Variants in SLCO5A1 observed in about 807,000 individuals in gnomAD.
SLCO5A1 encodes solute carrier organic anion transporter family member 5A1.
Under a neutral mutation model 65.1 loss-of-function variants are expected in SLCO5A1, and 39 were observed. The observed-to-expected ratio is 0.60, with a 90% confidence interval of 0.46 to 0.78. The LOEUF (loss-of-function observed/expected upper bound fraction) is 0.78. Ranked by LOEUF, SLCO5A1 falls within the 30% of genes least tolerant of loss-of-function variation. SLCO5A1 has a pLI of 0.00. For synonymous variants in SLCO5A1, 438 were observed against 415.7 expected, an observed-to-expected ratio of 1.05 and a Z score of -0.65; for missense variants, 1,029 against 1,069.4, an observed-to-expected ratio of 0.96 and a Z score of 0.53.
chr8:69,677,224 C>CT (rs1041853386), intron 8 of SLCO5A1, among the ~76,000 whole-genome samples: 2 of 152,228 alleles, frequency 1.3e-5, no homozygotes, highest in East Asian at 1.9e-4. Flanking sequence ...CCAACCACAT[C>CT]TTTTTTTCTT....
In SLCO5A1 at chr8:69,672,652, G is replaced by A. The variant is rs1813374131; in HGVS notation, c.*217C>T. 1.7e-6 allele frequency: 1 copy of A among 574,308 alleles called. No homozygotes were observed. Among genetic ancestry groups the A allele is most frequent in the South Asian group, 2.4e-5 (1 of 41,840 alleles). The allele number at this position is 574,308 out of a possible 1,614,324, so 35.6% of individuals were successfully genotyped here. A position where few individuals can be genotyped will look rare whatever the true frequency, so the allele number is the denominator to read the frequency against. ...AACGGAAATGGGAACAAATCTAGCT[G>A]AACGTCTCCTTCTTGGAGAGAAGCG... is the stretch of plus-strand genomic sequence containing the variant. On this transcript the variant is annotated 3_prime_UTR_variant, in exon 10 of 10. Coordinates refer to ENST00000260126, the MANE Select transcript of SLCO5A1 (RefSeq NM_030958.3).
intron 2 of SLCO5A1, among the ~76,000 whole-genome samples, chr8:69,784,811 A>AAAAGAAAGAAAG (rs56110450): frequency 0.12 from 8,743 of 70,778 alleles, 836 homozygotes; most frequent in African/African-American, 0.15. Flanking sequence ...GAAAGAAAGA[A>AAAAGAAAGAAAG]AAAGAAAGAA....
chr8:69,765,275 T>C (rs569509379), intron 2 of SLCO5A1, among the ~76,000 whole-genome samples: 1 of 152,186 alleles, frequency 6.6e-6, no homozygotes, highest in South Asian at 2.1e-4. Context: ...TATGTGTATA[T>C]GTGTATATAT....
chr8:69,681,912 C>CG (rs1813794659), intron 7 of SLCO5A1, among the ~76,000 whole-genome samples: 2 of 152,084 alleles, frequency 1.3e-5, no homozygotes, highest in Non-Finnish European at 2.9e-5. Context: ...TCAACCTTAT[C>CG]AAGTTTCACT....
At chr8:69,754,266 G>A (rs1025246207) in intron 4 of SLCO5A1, among the ~76,000 whole-genome samples, 20 of 152,228 alleles carry the variant, frequency 1.3e-4, no homozygotes, top group African/African-American at 4.8e-4. Flanking sequence ...CAAAATCATG[G>A]GAAGGGAGAG....
chr8:69,673,259 T>C lies in SLCO5A1; in HGVS notation c.2157A>G (p.Glu719=). 10 of 1,614,224 alleles carry C rather than the reference T, an allele frequency of 6.2e-6. No individual in the cohort carries two copies. Among genetic ancestry groups the C allele is most frequent in the Non-Finnish European group, 8.5e-6 (10 of 1,180,026 alleles). Residue 719 remains glutamate (E), a synonymous_variant, in exon 10 of 10, where the codon GAA becomes GAG. Coordinates refer to ENST00000260126, the MANE Select transcript of SLCO5A1 (RefSeq NM_030958.3). ...IDTTCMLWQQ[E]CGVQGSCWEY... is the part of the protein sequence containing the mutation. ...CCCAGCAAGAACCCTGCACACCACA[T>C]TCCTGTTGCCAGAGCATGCAGGTGG... is the stretch of plus-strand genomic sequence containing the variant.
intron 2 of SLCO5A1, among the ~76,000 whole-genome samples, chr8:69,773,764 C>T (rs1264629459): frequency 1.3e-5 from 2 of 152,216 alleles, no homozygotes; most frequent in African/African-American, 2.4e-5. Context: ...CTCCATGATT[C>T]ATCAGTAGAC....
chr8:69,794,944 G>A (rs1281742126), intron 2 of SLCO5A1, among the ~76,000 whole-genome samples: 1 of 152,184 alleles, frequency 6.6e-6, no homozygotes, highest in African/African-American at 2.4e-5. Context: ...GGGAAGAGGT[G>A]CTACACACTT....
intron 2 of SLCO5A1, among the ~76,000 whole-genome samples, chr8:69,770,426 T>A (rs1272003811): frequency 1.3e-5 from 2 of 152,148 alleles, no homozygotes; most frequent in Non-Finnish European, 2.9e-5. Flanking sequence ...GAGACCCATC[T>A]TTATTATTTT....
intron 5 of SLCO5A1, among the ~76,000 whole-genome samples, chr8:69,724,991 T>C (rs1815998471): frequency 6.6e-6 from 1 of 152,202 alleles, no homozygotes; most frequent in Admixed American, 6.5e-5. Flanking sequence ...ATATGGAGGA[T>C]GGTCTATTTG....
intron 4 of SLCO5A1, among the ~76,000 whole-genome samples, chr8:69,746,709 C>T (rs1427961351): frequency 6.6e-6 from 1 of 152,130 alleles, no homozygotes; most frequent in African/African-American, 2.4e-5. Context: ...CGAAGGAGGC[C>T]AGTGAGCAGA....
At chr8:69,740,664 C>T (rs1253383405) in intron 4 of SLCO5A1, among the ~76,000 whole-genome samples, 5 of 152,112 alleles carry the variant, frequency 3.3e-5, no homozygotes, top group Non-Finnish European at 7.4e-5. Flanking sequence ...AACAAGAGTT[C>T]CCTGGAAAAA....
At chr8:69,701,276 T>C (rs563002044) in intron 6 of SLCO5A1, among the ~76,000 whole-genome samples, 1 of 152,222 alleles carries the variant, frequency 6.6e-6, no homozygotes, top group Non-Finnish European at 1.5e-5. Context: ...AATCTAATCA[T>C]GATACTGTAA....
rs761364188 is a variant in SLCO5A1, at chr8:69,682,255, C to G, written c.1711G>C (p.Gly571Arg). 146 of 1,612,806 alleles carry G rather than the reference C, an allele frequency of 9.1e-5. No homozygotes were observed. The highest frequency in any genetic ancestry group is 1.2e-4 in the Non-Finnish European group (141 of 1,179,608). Reference protein sequence around the residue: ...CKIHEYEPVCGSDGITYFNPC... With the variant: ...CKIHEYEPVCRSDGITYFNPC... ...TTAAAGTATGTAATTCCATCTGATC[C>G]ACAGACTGGCTCATACTCGTGTATT... Residue 571 changes from glycine to arginine, a missense_variant, in exon 7 of 10, where the codon GGA (glycine) becomes CGA (arginine). Gly to Arg is a moderately radical substitution (Grantham distance 125, BLOSUM62 -2). Around this residue, in one of 3 missense-constraint regions of SLCO5A1, gnomAD observed 124 missense variants for 184.5 expected, o/e 0.67. Transcript: ENST00000260126.
intron 2 of SLCO5A1, chr8:69,794,220 G>A: frequency 2.4e-6 from 1 of 424,564 alleles, no homozygotes; most frequent in South Asian, 2.0e-5. Flanking sequence ...AGAATTTTGT[G>A]CCCTGTGGTA....
rs114805316 is a variant in SLCO5A1 at position 69,686,203 on chromosome 8, G to A, written c.1623-3860C>T. ...TCCATACATACTATGCTCATGCCAC[G>A]TGGACTAAAAGAACATGCTTCACAC... On this transcript the variant is annotated intron_variant, in intron 6 of 9. Coordinates refer to ENST00000260126, the MANE Select transcript of SLCO5A1 (RefSeq NM_030958.3). Among the ~76,000 whole-genome samples, 183 of 133,556 alleles carry A rather than the reference G, an allele frequency of 1.4e-3. 1 individual carries two copies. Among genetic ancestry groups the A allele is most frequent in the African/African-American group, 5.5e-3 (175 of 31,828 alleles). The allele number at this position is 133,556 out of a possible 152,430, so 87.6% of individuals were successfully genotyped here.
chr8:69,715,866 TAC>T (rs1300371278), intron 5 of SLCO5A1, among the ~76,000 whole-genome samples: 1 of 152,162 alleles, frequency 6.6e-6, no homozygotes, highest in African/African-American at 2.4e-5. Flanking sequence ...ACTTAAAGTG[TAC>T]AGTTTAATGT....
At chr8:69,776,534 A>T (rs1175551580) in intron 2 of SLCO5A1, among the ~76,000 whole-genome samples, 1 of 152,138 alleles carries the variant, frequency 6.6e-6, no homozygotes, top group Non-Finnish European at 1.5e-5. Context: ...TACAAAAAAT[A>T]CAAAAATTAG....
At chr8:69,781,948 C>T (rs1021009448) in intron 2 of SLCO5A1, among the ~76,000 whole-genome samples, 3 of 152,150 alleles carry the variant, frequency 2.0e-5, no homozygotes, top group Admixed American at 6.6e-5. Context: ...TGAGCCACTG[C>T]GCCCGGCCTA....
Sources: gnomAD v4.1 joint callset for allele counts (sites outside exome capture counted in the v4.1 genomes callset) on GRCh38, gnomAD v4.1.1 for gene constraint, gnomAD v4.1.1 regional missense constraint, MANE v1.5 for transcripts, NCBI Gene and HGNC (gene_info 2026-07-23, HGNC 2026-07-21) for gene names.